The following ANKFN1 variants were observed in gnomAD, a reference collection of about 807,000 sequenced individuals.
ANKFN1 encodes the protein ankyrin repeat and fibronectin type-III domain-containing protein 1.
In ANKFN1, 74 loss-of-function variants were observed where a neutral mutation model predicts 108.7. The ratio of observed to expected loss-of-function variants is 0.68; its 90% CI spans 0.56 to 0.83. The LOEUF (loss-of-function observed/expected upper bound fraction) is 0.83. Among genes scored for constraint, ANKFN1 ranks in the 40% least tolerant of loss-of-function variants. The probability of loss-of-function intolerance (pLI) is 0.00; values close to 1 mark genes in which losing one functional copy is unlikely to be tolerated. For synonymous variants in ANKFN1, 547 were observed against 516.2 expected, an observed-to-expected ratio of 1.06 and a Z score of -0.81; for missense variants, 1,505 against 1,382.3, an observed-to-expected ratio of 1.09 and a Z score of -1.41.
At chr17:56,277,105 A>G (rs1467620824) in intron 3 of ANKFN1, among the ~76,000 whole-genome samples, 1 of 152,208 alleles carries the variant, frequency 6.6e-6, no homozygotes, top group East Asian at 1.9e-4. Flanking sequence ...CATTCATGCC[A>G]AGCTCCCACT....
At chr17:56,483,940 G>A (rs2145383841) in intron 18 of ANKFN1, among the ~76,000 whole-genome samples, 1 of 152,142 alleles carries the variant, frequency 6.6e-6, no homozygotes, top group South Asian at 2.1e-4. Context: ...AAACAAGGTA[G>A]AATATGCCAG....
intron 3 of ANKFN1, among the ~76,000 whole-genome samples, chr17:56,320,999 T>C (rs1598402857): frequency 6.6e-6 from 1 of 151,632 alleles, no homozygotes; most frequent in East Asian, 1.9e-4. Context: ...AAAGGTCAAT[T>C]GGTGCTTAAA....
intron 6 of ANKFN1, among the ~76,000 whole-genome samples, chr17:56,365,377 T>TAA (rs2046631959): frequency 2.6e-5 from 4 of 152,208 alleles, no homozygotes; most frequent in Admixed American, 2.6e-4. Flanking sequence ...TCTAAAAGTA[T>TAA]AAGATCAATG....
intron 20 of ANKFN1, among the ~76,000 whole-genome samples, chr17:56,502,619 TTC>T (rs1293796012): frequency 6.6e-6 from 1 of 152,206 alleles, no homozygotes; most frequent in Non-Finnish European, 1.5e-5. Flanking sequence ...TGTCACTGCA[TTC>T]TCTGTCCTTC....
intron 8 of ANKFN1, among the ~76,000 whole-genome samples, chr17:56,435,180 C>A (rs115271899): frequency 6.6e-6 from 1 of 152,110 alleles, no homozygotes; most frequent in Non-Finnish European, 1.5e-5. Context: ...TCTGTACCAG[C>A]GTGAAATTCC....
chr17:56,319,172 A>G (rs2045292690), intron 3 of ANKFN1, among the ~76,000 whole-genome samples: 1 of 152,184 alleles, frequency 6.6e-6, no homozygotes, highest in South Asian at 2.1e-4. Context: ...AACCGTTTTG[A>G]CTTGTCTATT....
At chr17:56,510,397 T>A in intron 20 of ANKFN1, 76 bp from the exon 21 acceptor site, 1 of 1,243,224 alleles carries the variant, frequency 8.0e-7, no homozygotes, top group Non-Finnish European at 1.1e-6. Flanking sequence ...CGGGGTCAAA[T>A]GCACTGTTCC....
At chr17:56,408,752 G>T (rs183081982) in intron 8 of ANKFN1, among the ~76,000 whole-genome samples, 66 of 152,266 alleles carry the variant, frequency 4.3e-4, no homozygotes, top group Admixed American at 2.8e-3. Flanking sequence ...GAGGCAACTA[G>T]CTCCTTAAAG....
chr17:56,210,259 G>A (rs1914884262), intron 1 of ANKFN1, among the ~76,000 whole-genome samples: 1 of 152,168 alleles, frequency 6.6e-6, no homozygotes, highest in Admixed American at 6.5e-5. Context: ...ATACCTAGGA[G>A]TGGGATTGCT....
chr17:56,233,204 C>A (rs1916864224), intron 3 of ANKFN1, among the ~76,000 whole-genome samples: 1 of 151,890 alleles, frequency 6.6e-6, no homozygotes, highest in Admixed American at 6.6e-5. Context: ...TAGAGCCACC[C>A]AATCCTAAGA....
chr17:56,328,193 G>C (rs953769929), intron 4 of ANKFN1, among the ~76,000 whole-genome samples: 1 of 152,038 alleles, frequency 6.6e-6, no homozygotes, highest in Non-Finnish European at 1.5e-5. Context: ...TTTTTCAGAG[G>C]GTAGTTCAGG....
intron 3 of ANKFN1, among the ~76,000 whole-genome samples, chr17:56,257,716 T>C (rs955191737): frequency 6.6e-6 from 1 of 152,132 alleles, no homozygotes; most frequent in African/African-American, 2.4e-5. Context: ...ATAGTTTCCT[T>C]TGGACAATTC....
intron 1 of ANKFN1, among the ~76,000 whole-genome samples, chr17:56,177,011 T>C (rs1911223442): frequency 6.6e-6 from 1 of 152,180 alleles, no homozygotes; most frequent in African/African-American, 2.4e-5. Context: ...GAAGGCCAGG[T>C]TGGAGTTTCC....
intron 4 of ANKFN1, among the ~76,000 whole-genome samples, chr17:56,094,678 T>TTTTG (rs1905493864): frequency 9.6e-6 from 1 of 104,646 alleles, no homozygotes; most frequent in Non-Finnish European, 2.2e-5. Flanking sequence ...TAATTGGGTT[T>TTTTG]TTTTTTTTTT....
chr17:56,389,767 G>A (rs1011457708), intron 8 of ANKFN1, among the ~76,000 whole-genome samples: 3 of 152,202 alleles, frequency 2.0e-5, no homozygotes, highest in African/African-American at 7.2e-5. Context: ...GTAATAAGAA[G>A]TTTTTGGAAT....
chr17:56,080,794 A>G (rs1306305402), intron 4 of ANKFN1, among the ~76,000 whole-genome samples: 1 of 152,240 alleles, frequency 6.6e-6, no homozygotes, highest in African/African-American at 2.4e-5. Context: ...GAGACATAGA[A>G]AGTGTGTGTT....
chr17:56,322,906 G>A (rs2045410640), intron 3 of ANKFN1, among the ~76,000 whole-genome samples: 1 of 152,022 alleles, frequency 6.6e-6, no homozygotes, highest in Non-Finnish European at 1.5e-5. Context: ...TCTTTGAATG[G>A]GAGCAATGCG....
chr17:56,101,771 A>AGCAC (rs1200340819), intron 4 of ANKFN1, among the ~76,000 whole-genome samples: 23 of 152,340 alleles, frequency 1.5e-4, no homozygotes, highest in Admixed American at 2.0e-4. Flanking sequence ...ATCATTCAGA[A>AGCAC]ATAGTTTGAG....
At chr17:56,265,383 C>T (rs1038011085) in intron 3 of ANKFN1, among the ~76,000 whole-genome samples, 2 of 152,126 alleles carry the variant, frequency 1.3e-5, no homozygotes, top group African/African-American at 4.8e-5. Context: ...CTTTTAAAAC[C>T]ATCAGTTCTC....
Sources: allele counts gnomAD v4.1 joint callset (sites outside exome capture counted in the v4.1 genomes callset), GRCh38; gene constraint gnomAD v4.1.1; transcripts MANE v1.5; gene names NCBI Gene and HGNC (gene_info 2026-07-23, HGNC 2026-07-21).